XDH: variants seen among roughly 807,000 people sequenced by gnomAD.
The protein encoded by XDH is xanthine dehydrogenase, also known as xanthine dehydrogenase/oxidase.
Under a neutral mutation model 156.1 loss-of-function variants are expected in XDH, and 138 were observed. The ratio of observed to expected loss-of-function variants is 0.88; its 90% CI spans 0.77 to 1.02. The LOEUF is 1.02. Among genes scored for constraint, XDH ranks in the 50% least tolerant of loss-of-function variants. The pLI is 0.00. For missense variants in XDH, 1,849 were observed against 1,684.9 expected (o/e 1.10, Z -1.71); for synonymous variants, 669 against 625.7 (o/e 1.07, Z -1.03).
At chr2:31,352,740 T>C (rs1685517481) in intron 24 of XDH, among the ~76,000 whole-genome samples, 1 of 152,170 alleles carries the variant, frequency 6.6e-6, no homozygotes, top group African/African-American at 2.4e-5. Flanking sequence ...GAACAAGAAA[T>C]AAGAATAATT....
At chr2:31,391,501 A>C (rs966828837) in intron 6 of XDH, among the ~76,000 whole-genome samples, 2 of 152,140 alleles carry the variant, frequency 1.3e-5, no homozygotes, top group Admixed American at 1.3e-4. Context: ...GTTCTTCTCC[A>C]TATAAACCTT....
Position 31,370,474 on chromosome 2 carries a change from T to A in XDH, c.1861A>T (p.Ile621Leu). 1 of 1,614,198 alleles carries A rather than the reference T, an allele frequency of 6.2e-7. No individual in the cohort carries two copies. The highest frequency in any genetic ancestry group is 8.5e-7 in the Non-Finnish European group (1 of 1,180,020). Residue 621 changes from isoleucine to leucine, a missense_variant, in exon 18 of 36, where the codon ATA becomes TTA. By Grantham distance (5) the Ile-to-Leu change is conservative. Coordinates refer to ENST00000379416, the MANE Select transcript of XDH (RefSeq NM_000379.4). The stretch of plus-strand genomic sequence containing the variant: ...ACCTTCTTAGCTTCTGATGTATCTA[T>A]GGACCTGCAAGAATGAGTGGTGTGA... The part of the protein sequence containing the change: ...STRAHAKIKS[I>L]DTSEAKKVPG...
intron 24 of XDH, among the ~76,000 whole-genome samples, chr2:31,363,083 G>C (rs1356775423): frequency 6.6e-6 from 1 of 152,146 alleles, no homozygotes; most frequent in African/African-American, 2.4e-5. Flanking sequence ...AGGCTGAGGA[G>C]GGCTGATTAC....
intron 24 of XDH, among the ~76,000 whole-genome samples, chr2:31,362,225 T>C (rs1685797766): frequency 6.6e-6 from 1 of 152,186 alleles, no homozygotes; most frequent in Admixed American, 6.5e-5. Flanking sequence ...CCATTGACTA[T>C]GATTTGGGAT....
At chr2:31,360,517 A>T (rs564771543) in intron 24 of XDH, among the ~76,000 whole-genome samples, 1 of 151,956 alleles carries the variant, frequency 6.6e-6, no homozygotes, top group East Asian at 1.9e-4. Flanking sequence ...AAAAATAAAT[A>T]AAATAAATCA....
At chr2:31,359,501 G>A (rs746801830) in intron 24 of XDH, among the ~76,000 whole-genome samples, 13 of 152,046 alleles carry the variant, frequency 8.6e-5, no homozygotes, top group Non-Finnish European at 1.6e-4. Context: ...TTTTCCAACT[G>A]TGATTTAGTT....
At chr2:31,410,708 A>C (rs1046582729) in intron 1 of XDH, among the ~76,000 whole-genome samples, 1 of 152,178 alleles carries the variant, frequency 6.6e-6, no homozygotes, top group Non-Finnish European at 1.5e-5. Flanking sequence ...TAATTACAAG[A>C]AAGCATAATA....
intron 24 of XDH, among the ~76,000 whole-genome samples, chr2:31,360,417 C>T (rs1685746721): frequency 2.6e-5 from 4 of 152,178 alleles, no homozygotes; most frequent in Admixed American, 2.0e-4. Context: ...AGGAGAATCA[C>T]TTGAACCCAG....
At chr2:31,401,841 G>T (rs930325459) in intron 3 of XDH, among the ~76,000 whole-genome samples, 4 of 152,174 alleles carry the variant, frequency 2.6e-5, no homozygotes, top group Non-Finnish European at 5.9e-5. Flanking sequence ...GAACTTCCTT[G>T]CATTCTTCTG....
intron 23 of XDH, among the ~76,000 whole-genome samples, chr2:31,364,688 T>C (rs1161914346): frequency 1.3e-5 from 2 of 152,186 alleles, no homozygotes; most frequent in South Asian, 2.1e-4. Context: ...CTTGACCTTA[T>C]GTACACTGTT....
Position 31,350,185 on chromosome 2 carries a change from A to G in XDH, c.2670T>C (p.Tyr890=). 1 of 1,614,176 alleles carries G rather than the reference A, an allele frequency of 6.2e-7. No homozygotes were observed. Among genetic ancestry groups the G allele is most frequent in the South Asian group, 1.1e-5 (1 of 91,088 alleles). The change falls in exon 25 of 36, where the codon TAT becomes TAC. Residue 890 remains tyrosine (Y), a synonymous_variant. Coordinates refer to ENST00000379416, the MANE Select transcript of XDH (RefSeq NM_000379.4). ...ERALFHMDNC[Y]KIPNIRGTGR... is the part of the protein sequence containing the mutation. ...CAGTGCCCCGGATGTTGGGGATTTTATAGCAGTTGTCCATGTGGAATAAAG... is the reference window on the plus strand; with the variant it reads ...CAGTGCCCCGGATGTTGGGGATTTTGTAGCAGTTGTCCATGTGGAATAAAG...
At chr2:31,340,251 T>C (rs45463093) in intron 33 of XDH, among the ~76,000 whole-genome samples, 3,275 of 152,272 alleles carry the variant, frequency 0.022, 118 homozygotes, top group African/African-American at 0.075. Flanking sequence ...CGACTGGCAA[T>C]CATCTTTGGG....
chr2:31,395,764 T>G (rs1233342278), intron 6 of XDH, among the ~76,000 whole-genome samples: 3 of 152,234 alleles, frequency 2.0e-5, no homozygotes, highest in Non-Finnish European at 4.4e-5. Context: ...GACAATGAGT[T>G]GTCCTGTGAC....
chr2:31,398,474 A>G (rs1686970627), intron 5 of XDH, 99 bp downstream of exon 5: 4 of 1,597,016 alleles, frequency 2.5e-6, no homozygotes, highest in Non-Finnish European at 3.4e-6. Context: ...CCTTCCTCCA[A>G]AGGGTAGTCC....
chr2:31,377,008 T>A (rs1248782749), intron 14 of XDH, 45 bp downstream of exon 14: 1 of 1,609,346 alleles, frequency 6.2e-7, no homozygotes, highest in South Asian at 1.1e-5. Context: ...ATACTATTAG[T>A]AGCAGCAACA....
chr2:31,337,722 G>A lies in XDH; in HGVS notation c.3870C>T (p.Asn1290=), dbSNP rs774319963. 1.8e-5 allele frequency: 29 copies of A among 1,614,096 alleles called. No homozygotes were observed. Among genetic ancestry groups the A allele is most frequent in the Admixed American group, 8.3e-5 (5 of 60,014 alleles). The change falls in exon 35 of 36, where the codon AAC becomes AAT. Residue 1290 remains asparagine (N), a synonymous_variant. Transcript: ENST00000379416. ...TGTCTAGCCGGAAGAGTTCCTTCAC[G>A]TTATTACCTGTGTGCTGAGCTCGAG... ...RAARAQHTGN[N]VKELFRLDSP...
At chr2:31,412,414 T>A (rs1687365204) in intron 1 of XDH, among the ~76,000 whole-genome samples, 1 of 151,538 alleles carries the variant, frequency 6.6e-6, no homozygotes, top group South Asian at 2.1e-4. Context: ...TTCTCACTCA[T>A]AGGTAGGAAT....
At chr2:31,357,584 T>C (rs1238909393) in intron 24 of XDH, among the ~76,000 whole-genome samples, 2 of 152,054 alleles carry the variant, frequency 1.3e-5, no homozygotes, top group African/African-American at 4.8e-5. Context: ...ATGGGGATGG[T>C]TAATACATAT....
chr2:31,360,215 C>T lies in XDH; in HGVS notation c.2631+3943G>A, dbSNP rs146776632. 5.2e-3 allele frequency among the ~76,000 whole-genome samples: 786 copies of T among 152,274 alleles called. 12 individuals are homozygous for T. Among genetic ancestry groups the T allele is most frequent in the Admixed American group, 0.029 (447 of 15,288 alleles). On this transcript the variant is annotated intron_variant, in intron 24 of 35. Transcript: ENST00000379416. ...ACAATTTATGTTTTAAATCACAAGT[C>T]GGCCGGGCAAGGTGGCTCATGCCTA...
Sources: gnomAD v4.1 joint callset for allele counts (sites outside exome capture counted in the v4.1 genomes callset) on GRCh38, gnomAD v4.1.1 for gene constraint, MANE v1.5 for transcripts, NCBI Gene and HGNC (gene_info 2026-07-23, HGNC 2026-07-21) for gene names.